The following ST6GALNAC3 variants were observed in gnomAD, a reference collection of about 807,000 sequenced individuals.
The protein encoded by ST6GALNAC3 is alpha-N-acetylgalactosaminide alpha-2,6-sialyltransferase 3.
Under a neutral mutation model 32.7 loss-of-function variants are expected in ST6GALNAC3, and 25 were observed. The ratio of observed to expected loss-of-function variants is 0.76; its 90% CI spans 0.56 to 1.07. The LOEUF (loss-of-function observed/expected upper bound fraction) is 1.07, where lower values mean the gene tolerates loss of function less well. Among genes scored for constraint, ST6GALNAC3 ranks in the 50% least tolerant of loss-of-function variants. The pLI is 0.00. For synonymous variants in ST6GALNAC3, 129 were observed against 133.1 expected, an observed-to-expected ratio of 0.97 and a Z score of 0.21; for missense variants, 355 against 382.4, an observed-to-expected ratio of 0.93 and a Z score of 0.60.
chr1:76,211,202 C>A (rs1397114973), intron 1 of ST6GALNAC3, among the ~76,000 whole-genome samples: 1 of 152,128 alleles, frequency 6.6e-6, no homozygotes, highest in Non-Finnish European at 1.5e-5. Flanking sequence ...TCATCACTGG[C>A]CATCAGAGAA....
At chr1:76,144,878 A>T (rs1650580027) in intron 1 of ST6GALNAC3, among the ~76,000 whole-genome samples, 1 of 152,282 alleles carries the variant, frequency 6.6e-6, no homozygotes, top group Non-Finnish European at 1.5e-5. Context: ...CCTTTATTGG[A>T]GTCAGGAGAC....
intron 2 of ST6GALNAC3, among the ~76,000 whole-genome samples, chr1:76,328,030 T>G (rs1234943327): frequency 6.6e-6 from 1 of 152,190 alleles, no homozygotes; most frequent in Non-Finnish European, 1.5e-5. Context: ...TTATACAAAA[T>G]TATTATCCCA....
intron 1 of ST6GALNAC3, among the ~76,000 whole-genome samples, chr1:76,293,482 C>T (rs1660213077): frequency 1.3e-5 from 2 of 152,168 alleles, no homozygotes; most frequent in African/African-American, 4.8e-5. Context: ...TGATACTATA[C>T]ATGAGGAAAC....
intron 1 of ST6GALNAC3, among the ~76,000 whole-genome samples, chr1:76,085,365 C>T (rs1216903900): frequency 6.6e-6 from 1 of 152,178 alleles, no homozygotes; most frequent in Non-Finnish European, 1.5e-5. Context: ...TTAAGAACCA[C>T]AGTGAAGAGC....
intron 3 of ST6GALNAC3, among the ~76,000 whole-genome samples, chr1:76,483,486 C>T (rs1403353525): frequency 6.6e-6 from 1 of 152,206 alleles, no homozygotes; most frequent in East Asian, 1.9e-4. Context: ...TGATGATGAG[C>T]ATTTTTTCAT....
intron 3 of ST6GALNAC3, among the ~76,000 whole-genome samples, chr1:76,567,286 G>T (rs1665609806): frequency 6.6e-6 from 1 of 152,112 alleles, no homozygotes; most frequent in Non-Finnish European, 1.5e-5. Flanking sequence ...TACTATGCAA[G>T]CTGGTATAGG....
chr1:76,342,316 A>G (rs532550866), intron 2 of ST6GALNAC3, among the ~76,000 whole-genome samples: 1 of 152,022 alleles, frequency 6.6e-6, no homozygotes, highest in Non-Finnish European at 1.5e-5. Context: ...ACTAATTTAC[A>G]CTCCCACCAA....
rs1650571720 is a variant in ST6GALNAC3 at position 76,144,772 on chromosome 1, C to CTTCTA, written c.18+69889_18+69890insTCTAT. Reference sequence around the variant, plus strand: ...AGTTGACATAGATGACAGTTGTGTCCTGAAGTCTGATAGCTTCTATGAATT... The same window carrying CTTCTA: ...AGTTGACATAGATGACAGTTGTGTCCTTCTATGAAGTCTGATAGCTTCTATGAATT... On this transcript the variant is annotated intron_variant, in intron 1 of 4. Transcript: ENST00000328299. Among the ~76,000 whole-genome samples the CTTCTA allele has an allele frequency of 4.6e-5, 7 of 152,318 alleles. No homozygotes were observed. In the South Asian group the frequency reaches 1.4e-3, roughly 32 times the overall value.
At chr1:76,150,676 T>A (rs531558139) in intron 1 of ST6GALNAC3, among the ~76,000 whole-genome samples, 1 of 152,250 alleles carries the variant, frequency 6.6e-6, no homozygotes, top group East Asian at 1.9e-4. Context: ...GTCAGATGTG[T>A]GAGTGTGCAG....
At chr1:76,275,830 G>T (rs1659102125) in intron 1 of ST6GALNAC3, among the ~76,000 whole-genome samples, 2 of 152,096 alleles carry the variant, frequency 1.3e-5, no homozygotes, top group African/African-American at 4.8e-5. Flanking sequence ...TCTTGTAAGA[G>T]CATTTACTGT....
At chr1:76,389,508 T>G (rs2031483) in intron 2 of ST6GALNAC3, among the ~76,000 whole-genome samples, 48,494 of 152,142 alleles carry the variant, frequency 0.32, 8,777 homozygotes, top group Middle Eastern at 0.43. Flanking sequence ...CTTTGTGTGA[T>G]TAGTGTTTTG....
At chr1:76,184,354 CAT>C (rs1298536239) in intron 1 of ST6GALNAC3, among the ~76,000 whole-genome samples, 1 of 152,090 alleles carries the variant, frequency 6.6e-6, no homozygotes, top group East Asian at 1.9e-4. Context: ...GCCTGGCCAA[CAT>C]AGTGAAACCC....
rs1349636696 is a variant in ST6GALNAC3 at position 76,559,161 on chromosome 1, A to G, written c.624-68291A>G. ...CCTTGGTAAGTCTTCCAAAATTGTT[A>G]ATTTTACTTTGCTGGTTCAAGAAGG... On this transcript the variant is annotated intron_variant, in intron 3 of 4. Transcript: ENST00000328299. Among the ~76,000 whole-genome samples the G allele has an allele frequency of 2.6e-5, 4 of 152,266 alleles. No homozygotes were observed. The East Asian group carries it at 7.7e-4, about 29-fold the overall frequency.
intron 1 of ST6GALNAC3, among the ~76,000 whole-genome samples, chr1:76,244,452 C>T (rs1304266267): frequency 1.3e-5 from 2 of 152,036 alleles, no homozygotes. Context: ...TTTTTCTTGC[C>T]TAATTTCCCT....
intron 3 of ST6GALNAC3, among the ~76,000 whole-genome samples, chr1:76,621,312 T>C (rs1248971712): frequency 2.0e-5 from 3 of 152,078 alleles, no homozygotes; most frequent in Non-Finnish European, 4.4e-5. Flanking sequence ...CATTTTTTGT[T>C]ATTTTTCAGG....
intron 1 of ST6GALNAC3, among the ~76,000 whole-genome samples, chr1:76,170,528 A>T (rs1652421733): frequency 6.6e-6 from 1 of 152,182 alleles, no homozygotes; most frequent in Non-Finnish European, 1.5e-5. Context: ...GATTCTGTAA[A>T]TCCAAAATTC....
intron 1 of ST6GALNAC3, among the ~76,000 whole-genome samples, chr1:76,171,088 GGTGTGT>G (rs71071988): frequency 4.7e-5 from 7 of 149,484 alleles, no homozygotes; most frequent in African/African-American, 7.4e-5. Context: ...CATTGAGAGG[GGTGTGT>G]GTGTGTGTGT....
At chr1:76,133,272 A>G (rs1208481161) in intron 1 of ST6GALNAC3, among the ~76,000 whole-genome samples, 1 of 152,102 alleles carries the variant, frequency 6.6e-6, no homozygotes, top group Non-Finnish European at 1.5e-5. Context: ...CTTCAGGGAC[A>G]CCATTAGTCC....
intron 3 of ST6GALNAC3, among the ~76,000 whole-genome samples, chr1:76,527,482 A>G (rs553442613): frequency 5.3e-5 from 8 of 152,188 alleles, no homozygotes; most frequent in Admixed American, 3.9e-4. Flanking sequence ...GCTTCCTTCT[A>G]TATTTCCCTC....
Sources: gnomAD v4.1 joint callset for allele counts (sites outside exome capture counted in the v4.1 genomes callset) on GRCh38, gnomAD v4.1.1 for gene constraint, MANE v1.5 for transcripts, NCBI Gene and HGNC (gene_info 2026-07-23, HGNC 2026-07-21) for gene names.